Variants in DISC1 observed in about 807,000 individuals in gnomAD.
The protein encoded by DISC1 is disrupted in schizophrenia 1 protein.
DISC1 carries 57 observed loss-of-function variants against 84.5 expected under a neutral mutation model. That is an observed-to-expected ratio of 0.67 (90% CI 0.55 to 0.84). DISC1 has a LOEUF of 0.84. DISC1 is among the 40% of genes least tolerant of loss of function. The pLI is 0.00. For missense variants in DISC1, 1,000 were observed against 1,057.8 expected (o/e 0.95, Z 0.76); for synonymous variants, 411 against 415.2 (o/e 0.99, Z 0.12).
rs889041301 is a variant in DISC1 at position 231,884,623 on chromosome 1, C to T, written c.1981+66106C>T. ...CCTTCGGGTGTATAAGAACAATAGA[C>T]GCTGGGGCCTACTTGAGATTGGAGG... On this transcript the variant is annotated intron_variant, in intron 9 of 12. Coordinates refer to ENST00000439617, the MANE Select transcript of DISC1 (RefSeq NM_018662.3). Among the ~76,000 whole-genome samples the T allele has an allele frequency of 6.6e-5, 10 of 152,040 alleles. No individual in the cohort carries two copies. The South Asian group carries it at 8.3e-4, about 13-fold the overall frequency.
At chr1:231,936,759 A>C (rs1264990489) in intron 9 of DISC1, among the ~76,000 whole-genome samples, 1 of 152,188 alleles carries the variant, frequency 6.6e-6, no homozygotes, top group East Asian at 1.9e-4. Flanking sequence ...ATTAAGAAGG[A>C]GCCCATAGGA....
intron 11 of DISC1, among the ~76,000 whole-genome samples, chr1:232,015,465 G>A (rs369239876): frequency 9.2e-5 from 14 of 152,254 alleles, no homozygotes; most frequent in African/African-American, 2.4e-4. Flanking sequence ...AACAGAGGAG[G>A]TGTTATCCAA....
intron 2 of DISC1, among the ~76,000 whole-genome samples, chr1:231,701,224 A>T (rs959603681): frequency 6.6e-6 from 1 of 152,166 alleles, no homozygotes; most frequent in Non-Finnish European, 1.5e-5. Flanking sequence ...ATCTCATGAG[A>T]CATATTCATT....
intron 1 of DISC1, among the ~76,000 whole-genome samples, chr1:231,658,881 A>G (rs1035196568): frequency 8.5e-5 from 13 of 152,148 alleles, no homozygotes; most frequent in Admixed American, 8.5e-4. Flanking sequence ...TCAGTTTGTC[A>G]GTATTTTATT....
At chr1:232,011,864 C>T (rs982014605) in intron 11 of DISC1, among the ~76,000 whole-genome samples, 1 of 152,140 alleles carries the variant, frequency 6.6e-6, no homozygotes, top group South Asian at 2.1e-4. Flanking sequence ...GCTATCAAAA[C>T]GCAGTGTGGC....
At chr1:231,682,925 G>A (rs545992501) in intron 1 of DISC1, among the ~76,000 whole-genome samples, 15 of 152,324 alleles carry the variant, frequency 9.8e-5, no homozygotes, top group African/African-American at 3.6e-4. Context: ...CACGAAGTGG[G>A]CTGGATGTCA....
chr1:231,888,473 G>A lies in DISC1; in HGVS notation c.1981+69956G>A, dbSNP rs544458162. Among the ~76,000 whole-genome samples, 13 of 150,352 alleles carry A rather than the reference G, an allele frequency of 8.6e-5. No homozygotes were observed. In the South Asian group the frequency reaches 1.7e-3, roughly 20 times the overall value. ...AGAGTGTCCACCCCAGGCCAGGTGC[G>A]GTGGCTCACACCTGTAATCCCAGCA... On this transcript the variant is annotated intron_variant, in intron 9 of 12. Coordinates refer to ENST00000439617, the MANE Select transcript of DISC1 (RefSeq NM_018662.3).
At chr1:231,801,246 A>G (rs969307017) in intron 8 of DISC1, among the ~76,000 whole-genome samples, 1 of 152,014 alleles carries the variant, frequency 6.6e-6, no homozygotes, top group Non-Finnish European at 1.5e-5. Flanking sequence ...TTCACATGCC[A>G]TTTACTTGAA....
chr1:231,639,023 T>G (rs1023801399), intron 1 of DISC1, among the ~76,000 whole-genome samples: 13 of 152,302 alleles, frequency 8.5e-5, no homozygotes, highest in Admixed American at 6.5e-4. Context: ...TTGGGTTGCT[T>G]TAAAACAGCA....
At chr1:231,786,087 A>G (rs1165920192) in intron 6 of DISC1, among the ~76,000 whole-genome samples, 20 of 152,206 alleles carry the variant, frequency 1.3e-4, no homozygotes, top group Admixed American at 1.3e-3. Context: ...GTGAAAAACA[A>G]CATGTGTCTC....
Position 231,630,034 on chromosome 1 carries a change from C to T in DISC1, c.67+3100C>T, listed in dbSNP as rs1193673460. ...GCAACCTCTGCCTCCTGGGTTCAAG[C>T]GATTCTCCTGCCTCAGCCTCTCGAG... is the stretch of plus-strand genomic sequence containing the variant. On this transcript the variant is annotated intron_variant, in intron 1 of 12. Transcript: ENST00000439617. The surrounding 1 kb of genome is among the most constrained non-coding windows in gnomAD (Gnocchi z 4.4). Among the ~76,000 whole-genome samples, 1 of 152,148 alleles carries T rather than the reference C, an allele frequency of 6.6e-6. No homozygotes were observed. The highest frequency in any genetic ancestry group is 1.5e-5 in the Non-Finnish European group (1 of 68,028).
At chr1:231,907,636 C>T (rs895117170) in intron 9 of DISC1, among the ~76,000 whole-genome samples, 176 of 152,236 alleles carry the variant, frequency 1.2e-3, no homozygotes, top group African/African-American at 4.0e-3. Context: ...AATAAACATA[C>T]GTGTGCATGT....
intron 3 of DISC1, among the ~76,000 whole-genome samples, chr1:231,725,218 C>T (rs1160667614): frequency 2.0e-5 from 3 of 152,172 alleles, no homozygotes; most frequent in Non-Finnish European, 4.4e-5. Flanking sequence ...ATGTTCTGCA[C>T]GCACAGAATA....
rs75663062 is a variant in DISC1 at position 231,985,043 on chromosome 1, G to A, written c.2043-23742G>A. Among the ~76,000 whole-genome samples, 1,305 of 152,140 alleles carry A rather than the reference G, an allele frequency of 8.6e-3. 6 individuals carry two copies. The highest frequency in any genetic ancestry group is 0.014 in the African/African-American group (581 of 41,516). ...TCTATACAAGAAAATAAAGTAGGCCGGCCATGGTGGCTCACGCTTGTAATC... is the reference window on the plus strand; with the variant it reads ...TCTATACAAGAAAATAAAGTAGGCCAGCCATGGTGGCTCACGCTTGTAATC... On this transcript the variant is annotated intron_variant, in intron 10 of 12. Coordinates refer to ENST00000439617, the MANE Select transcript of DISC1 (RefSeq NM_018662.3).
intron 9 of DISC1, among the ~76,000 whole-genome samples, chr1:231,842,039 G>A (rs564754062): frequency 1.3e-5 from 2 of 152,054 alleles, no homozygotes; most frequent in South Asian, 4.2e-4. Context: ...TTGTGTTGTT[G>A]CCCAGGCTGG....
At chr1:231,815,973 T>G (rs2080928022) in intron 8 of DISC1, among the ~76,000 whole-genome samples, 1 of 152,204 alleles carries the variant, frequency 6.6e-6, no homozygotes, top group Non-Finnish European at 1.5e-5. Flanking sequence ...TCATTTCTTT[T>G]GTGTAAATGC....
rs535790766 is a variant in DISC1 at position 231,781,105 on chromosome 1, T to C, written c.1634+10035T>C. The stretch of plus-strand genomic sequence containing the variant: ...AGCGCACCAGCATGGCACATGTATA[T>C]ATATGTAACTAACCTGCACAATGTG... On this transcript the variant is annotated intron_variant, in intron 6 of 12. Coordinates refer to ENST00000439617, the MANE Select transcript of DISC1 (RefSeq NM_018662.3). Among the ~76,000 whole-genome samples the C allele has an allele frequency of 1.2e-4, 17 of 144,254 alleles. No homozygotes were observed. The East Asian group carries it at 3.3e-3, about 28-fold the overall frequency. The allele number at this position is 144,254 out of a possible 152,430, so 94.6% of individuals were successfully genotyped here. A position where few individuals can be genotyped will look rare whatever the true frequency, so the allele number is the denominator to read the frequency against.
At chr1:231,654,469 T>TTG (rs1472155797) in intron 1 of DISC1, among the ~76,000 whole-genome samples, 1 of 152,084 alleles carries the variant, frequency 6.6e-6, no homozygotes, top group African/African-American at 2.4e-5. Context: ...TATGAAATTT[T>TTG]TGTGTGTGTG....
At position 231,758,326 on chromosome 1, in the gene DISC1, G is replaced by T. The variant is rs140808307; in HGVS notation, c.1268+8250G>T. 3.9e-3 allele frequency among the ~76,000 whole-genome samples: 596 copies of T among 152,172 alleles called. 4 individuals are homozygous for T. Among genetic ancestry groups the T allele is most frequent in the African/African-American group, 0.013 (558 of 41,528 alleles). ...AGATGTCAGTCTTCCTTCTTGCAGG[G>T]CACCCCCAATCTTTGTGAGTGAATC... On this transcript the variant is annotated intron_variant, in intron 4 of 12. Transcript: ENST00000439617.
Sources: allele counts gnomAD v4.1 joint callset (sites outside exome capture counted in the v4.1 genomes callset), GRCh38; gene constraint gnomAD v4.1.1; non-coding constraint Gnocchi (gnomAD v3.1); transcripts MANE v1.5; gene names NCBI Gene and HGNC (gene_info 2026-07-23, HGNC 2026-07-21).